The following CTNNA2 variants were observed in gnomAD, a reference collection of about 807,000 sequenced individuals.
CTNNA2 encodes catenin alpha 2.
Under a neutral mutation model 101.0 loss-of-function variants are expected in CTNNA2, and 42 were observed. That is an observed-to-expected ratio of 0.42 (90% CI 0.32 to 0.54). The LOEUF (loss-of-function observed/expected upper bound fraction) is 0.54. Among genes scored for constraint, CTNNA2 ranks in the 20% least tolerant of loss-of-function variants. CTNNA2 has a pLI of 0.14. For synonymous variants in CTNNA2, 450 were observed against 456.4 expected, an observed-to-expected ratio of 0.99 and a Z score of 0.18; for missense variants, 871 against 1,223.1, an observed-to-expected ratio of 0.71 and a Z score of 4.29.
At chr2:80,306,400 T>TTTTCTTTTCTTTTCCTTTCTTTC (rs1491389570) in intron 7 of CTNNA2, among the ~76,000 whole-genome samples, 1 of 109,200 alleles carries the variant, frequency 9.2e-6, no homozygotes, top group East Asian at 2.7e-4. Flanking sequence ...TTTTCTTTTC[T>TTTTCTTTTCTTTTCCTTTCTTTC]TTTCTTTCTT....
rs879783765 is a variant in CTNNA2, at chr2:79,346,328, C to A, written c.-317-27503C>A. Reference sequence around the variant, plus strand: ...TAGTATTATTTTGCTACAAAGAACCCTGTTGCTATTTTGTCCTCATTTTTC... The same window carrying A: ...TAGTATTATTTTGCTACAAAGAACCATGTTGCTATTTTGTCCTCATTTTTC... On this transcript the variant is annotated intron_variant, in intron 3 of 21. Transcript: ENST00000466387. Among the ~76,000 whole-genome samples the A allele has an allele frequency of 1.2e-4, 19 of 152,094 alleles. 1 individual carries two copies. Among genetic ancestry groups the A allele is most frequent in the Admixed American group, 1.1e-3 (17 of 15,258 alleles).
intron 1 of CTNNA2, among the ~76,000 whole-genome samples, chr2:79,535,104 T>A (rs941332858): frequency 3.9e-5 from 6 of 152,186 alleles, no homozygotes; most frequent in Non-Finnish European, 4.4e-5. Flanking sequence ...CAAAAAAATT[T>A]AACATATGAT....
intron 7 of CTNNA2, among the ~76,000 whole-genome samples, chr2:80,054,226 C>T (rs1697067050): frequency 6.6e-6 from 1 of 152,176 alleles, no homozygotes; most frequent in Non-Finnish European, 1.5e-5. Flanking sequence ...CTTTAAGCCT[C>T]TAGGGAGCCA....
chr2:79,438,133 C>T (rs936953439), intron 4 of CTNNA2, among the ~76,000 whole-genome samples: 1 of 152,206 alleles, frequency 6.6e-6, no homozygotes, highest in African/African-American at 2.4e-5. Context: ...GTCTGGCTTA[C>T]AGTGCATGGA....
intron 7 of CTNNA2, among the ~76,000 whole-genome samples, chr2:80,063,459 G>A (rs1163092617): frequency 1.3e-5 from 2 of 152,182 alleles, no homozygotes. Flanking sequence ...AAAAGAAGAA[G>A]AAGAATCTCA....
intron 9 of CTNNA2, among the ~76,000 whole-genome samples, chr2:80,506,143 G>C (rs965752954): frequency 6.6e-6 from 1 of 152,194 alleles, no homozygotes; most frequent in Non-Finnish European, 1.5e-5. Context: ...GGAAGTTAGC[G>C]TGGAAGCATC....
chr2:79,590,741 TA>T (rs1676793835), intron 1 of CTNNA2, among the ~76,000 whole-genome samples: 1 of 152,162 alleles, frequency 6.6e-6, no homozygotes, highest in Non-Finnish European at 1.5e-5. Flanking sequence ...AGAGCTGCAA[TA>T]AACATTGTTG....
intron 1 of CTNNA2, among the ~76,000 whole-genome samples, chr2:79,646,083 C>T (rs1163951529): frequency 6.6e-6 from 1 of 152,124 alleles, no homozygotes; most frequent in Non-Finnish European, 1.5e-5. Context: ...TGGAAAGCAT[C>T]CTGGGCTATT....
chr2:79,700,710 T>A (rs1379004099), intron 2 of CTNNA2, among the ~76,000 whole-genome samples: 1 of 152,108 alleles, frequency 6.6e-6, no homozygotes, highest in African/African-American at 2.4e-5. Context: ...CCCAGGGAAT[T>A]GAGGGAATAG....
chr2:79,775,707 C>T (rs770045709), intron 3 of CTNNA2, among the ~76,000 whole-genome samples: 81 of 152,146 alleles, frequency 5.3e-4, no homozygotes, highest in African/African-American at 7.0e-4. Context: ...TTTATGTTTT[C>T]GAAACAAATA....
chr2:79,243,792 G>A (rs1343198818), intron 2 of CTNNA2, among the ~76,000 whole-genome samples: 1 of 152,142 alleles, frequency 6.6e-6, no homozygotes, highest in East Asian at 1.9e-4. Context: ...GAAGGGGTAA[G>A]GAATAGGAAA....
At chr2:80,467,174 T>G (rs1684929680) in intron 9 of CTNNA2, among the ~76,000 whole-genome samples, 1 of 152,192 alleles carries the variant, frequency 6.6e-6, no homozygotes, top group African/African-American at 2.4e-5. Flanking sequence ...GAGCTATGAT[T>G]CAGACTTAGG....
At chr2:80,401,926 A>T (rs1040550979) in intron 8 of CTNNA2, among the ~76,000 whole-genome samples, 3 of 152,156 alleles carry the variant, frequency 2.0e-5, no homozygotes, top group Non-Finnish European at 4.4e-5. Context: ...CTATAATTCA[A>T]TTCTAACACT....
At chr2:79,475,303 A>C (rs2104550865) in intron 4 of CTNNA2, among the ~76,000 whole-genome samples, 1 of 152,288 alleles carries the variant, frequency 6.6e-6, no homozygotes, top group Admixed American at 6.5e-5. Flanking sequence ...CAGAGCCGGA[A>C]ACTTGTCTCC....
At position 80,582,208 on chromosome 2, in the gene CTNNA2, G is replaced by A. The variant is rs189710160; in HGVS notation, c.2007+389G>A. ...AGTCTCCAAGCTTGTCAACACAAGA[G>A]GCAATGACAAATGAGGAATCAGGGC... On this transcript the variant is annotated intron_variant, in intron 14 of 18. Transcript: ENST00000402739. Among the ~76,000 whole-genome samples, 21 of 151,924 alleles carry A rather than the reference G, an allele frequency of 1.4e-4. No homozygotes were observed. The East Asian group carries it at 4.1e-3, about 29-fold the overall frequency.
intron 7 of CTNNA2, among the ~76,000 whole-genome samples, chr2:80,325,939 A>G (rs1323309154): frequency 6.6e-6 from 1 of 152,220 alleles, no homozygotes; most frequent in African/African-American, 2.4e-5. Flanking sequence ...CAAACAGATT[A>G]TCAACCCCAC....
intron 1 of CTNNA2, among the ~76,000 whole-genome samples, chr2:79,627,345 A>C (rs1310220933): frequency 2.6e-5 from 4 of 152,222 alleles, no homozygotes; most frequent in Admixed American, 1.3e-4. Context: ...GAGCTGTTTG[A>C]AATGTGCCAT....
At chr2:79,790,680 C>G (rs1272946017) in intron 3 of CTNNA2, among the ~76,000 whole-genome samples, 1 of 152,120 alleles carries the variant, frequency 6.6e-6, no homozygotes, top group Non-Finnish European at 1.5e-5. Context: ...GTAGAATTAT[C>G]AGTTGGCTAC....
intron 4 of CTNNA2, among the ~76,000 whole-genome samples, chr2:79,475,679 C>CTTT (rs1553413975): frequency 4.7e-5 from 7 of 149,694 alleles, no homozygotes; most frequent in Non-Finnish European, 8.9e-5. Flanking sequence ...TCTTTGAATA[C>CTTT]TTTTTTTTTT....
Sources: gnomAD v4.1 joint callset for allele counts (sites outside exome capture counted in the v4.1 genomes callset) on GRCh38, gnomAD v4.1.1 for gene constraint, MANE v1.5 for transcripts, NCBI Gene and HGNC (gene_info 2026-07-23, HGNC 2026-07-21) for gene names.